ADIPOR2: variants seen among roughly 807,000 people sequenced by gnomAD.
The protein encoded by ADIPOR2 is adiponectin receptor protein 2.
Under a neutral mutation model 40.9 loss-of-function variants are expected in ADIPOR2, and 18 were observed. The observed-to-expected ratio is 0.44, with a 90% CI of 0.30 to 0.65. The LOEUF (loss-of-function observed/expected upper bound fraction) is 0.65. ADIPOR2 is among the 30% of genes least tolerant of loss of function. The pLI is 0.09. For missense variants in ADIPOR2, 283 were observed against 479.2 expected (o/e 0.59, Z 3.82); for synonymous variants, 165 against 166.4 (o/e 0.99, Z 0.06).
rs1305746132 is a variant in ADIPOR2, at chr12:1,787,146, C to T, written c.*1074C>T. The stretch of plus-strand genomic sequence containing the variant: ...CTATTAAAAATCACTGCCCTAACTA[C>T]ACTTCCTCCTTGAGGGAATAGAAAT... On this transcript the variant is annotated 3_prime_UTR_variant, in exon 8 of 8. Coordinates refer to ENST00000357103, the MANE Select transcript of ADIPOR2 (RefSeq NM_024551.3). 1 of 152,230 alleles carries T rather than the reference C, an allele frequency of 6.6e-6. No homozygotes were observed. Among genetic ancestry groups the T allele is most frequent in the African/African-American group, 2.4e-5 (1 of 41,466 alleles). The allele number at this position is 152,230 out of a possible 1,614,324, so 9.4% of individuals were successfully genotyped here.
At chr12:1,744,129 C>T (rs986195781) in intron 1 of ADIPOR2, among the ~76,000 whole-genome samples, 5 of 149,192 alleles carry the variant, frequency 3.4e-5, no homozygotes, top group Admixed American at 2.0e-4. Flanking sequence ...TTTTTTGAGA[C>T]GGAGTCTTGC....
intron 1 of ADIPOR2, among the ~76,000 whole-genome samples, chr12:1,718,751 G>C (rs983386816): frequency 6.6e-6 from 1 of 152,116 alleles, no homozygotes; most frequent in Non-Finnish European, 1.5e-5. Context: ...AGTGTGGCAG[G>C]CTTTCACTGT....
chr12:1,700,207 T>A (rs1439683356), intron 1 of ADIPOR2, among the ~76,000 whole-genome samples: 1 of 152,244 alleles, frequency 6.6e-6, no homozygotes, highest in Non-Finnish European at 1.5e-5. Flanking sequence ...TTAGTTAGCT[T>A]ATTACACTTT....
At chr12:1,762,708 A>G (rs923600760) in intron 2 of ADIPOR2, among the ~76,000 whole-genome samples, 1 of 152,210 alleles carries the variant, frequency 6.6e-6, no homozygotes, top group African/African-American at 2.4e-5. Flanking sequence ...GCTCATTTGA[A>G]TATGTTATTC....
chr12:1,757,769 G>A, intron 2 of ADIPOR2: 1 of 1,094,690 alleles, frequency 9.1e-7, no homozygotes, highest in Non-Finnish European at 1.4e-6. Flanking sequence ...AATCCAGCAG[G>A]GTAGGTTATA....
intron 1 of ADIPOR2, among the ~76,000 whole-genome samples, chr12:1,710,714 G>A (rs2094674868): frequency 6.6e-6 from 1 of 152,026 alleles, no homozygotes; most frequent in Admixed American, 6.5e-5. Flanking sequence ...CCATTCAGCT[G>A]CGGGGTCCCA....
intron 1 of ADIPOR2, among the ~76,000 whole-genome samples, chr12:1,715,815 T>C (rs1308089635): frequency 6.6e-6 from 1 of 152,144 alleles, no homozygotes; most frequent in Non-Finnish European, 1.5e-5. Context: ...CAGTCAGTGC[T>C]CTGTGGCTAG....
intron 4 of ADIPOR2, among the ~76,000 whole-genome samples, chr12:1,778,925 C>G (rs756809333): frequency 1.7e-4 from 25 of 145,084 alleles, no homozygotes; most frequent in Admixed American, 7.6e-5. Context: ...AGATGTTTGT[C>G]TTCGTTAGGC....
At chr12:1,716,850 G>A (rs2094688632) in intron 1 of ADIPOR2, among the ~76,000 whole-genome samples, 1 of 152,106 alleles carries the variant, frequency 6.6e-6, no homozygotes, top group Non-Finnish European at 1.5e-5. Flanking sequence ...TATCCAACTA[G>A]GTAGCATTAC....
At chr12:1,708,628 T>TC (rs144142618) in intron 1 of ADIPOR2, among the ~76,000 whole-genome samples, 4,884 of 152,294 alleles carry the variant, frequency 0.032, 126 homozygotes, top group African/African-American at 0.064. Flanking sequence ...AAAAAGACTA[T>TC]CCTTTCCTCA....
At chr12:1,747,258 G>T (rs763473390) in intron 1 of ADIPOR2, among the ~76,000 whole-genome samples, 2 of 151,978 alleles carry the variant, frequency 1.3e-5, no homozygotes, top group African/African-American at 2.4e-5. Context: ...ATTACACAAA[G>T]TGCCTTTTCT....
At chr12:1,705,463 C>A (rs141039046) in intron 1 of ADIPOR2, among the ~76,000 whole-genome samples, 9 of 152,292 alleles carry the variant, frequency 5.9e-5, no homozygotes, top group South Asian at 2.1e-4. Flanking sequence ...CCATACCTGA[C>A]TTCCAGTGAC....
At chr12:1,739,251 GT>G (rs2094737604) in intron 1 of ADIPOR2, among the ~76,000 whole-genome samples, 1 of 152,190 alleles carries the variant, frequency 6.6e-6, no homozygotes, top group Non-Finnish European at 1.5e-5. Flanking sequence ...GGAGACACAA[GT>G]AAATAAGAAA....
At chr12:1,738,652 C>T (rs1036463728) in intron 1 of ADIPOR2, among the ~76,000 whole-genome samples, 3 of 152,150 alleles carry the variant, frequency 2.0e-5, no homozygotes, top group Non-Finnish European at 4.4e-5. Context: ...GCTGGTCCCC[C>T]TTTGACCTTC....
intron 4 of ADIPOR2, chr12:1,778,295 T>C (rs1862640801): frequency 3.2e-6 from 1 of 317,092 alleles, no homozygotes; most frequent in African/African-American, 2.2e-5. Context: ...ATACAAAATG[T>C]GGTTTCATAT....
At chr12:1,699,887 C>CT (rs2094646787) in intron 1 of ADIPOR2, among the ~76,000 whole-genome samples, 1 of 152,008 alleles carries the variant, frequency 6.6e-6, no homozygotes, top group Non-Finnish European at 1.5e-5. Context: ...TGGAGTATAC[C>CT]ATGTGTTAGA....
At chr12:1,701,776 C>A (rs1256979397) in intron 1 of ADIPOR2, among the ~76,000 whole-genome samples, 7 of 152,048 alleles carry the variant, frequency 4.6e-5, no homozygotes. Context: ...ATTGAACATT[C>A]CTTATTAGGA....
At chr12:1,774,521 A>G (rs374926012) in intron 3 of ADIPOR2, among the ~76,000 whole-genome samples, 8 of 152,168 alleles carry the variant, frequency 5.3e-5, no homozygotes, top group Non-Finnish European at 1.2e-4. Context: ...CAGGGATTCT[A>G]TTTCTTGGAC....
At position 1,783,917 on chromosome 12, in the gene ADIPOR2, T is replaced by A; in HGVS notation, c.876T>A (p.Pro292=). Residue 292 remains proline, a synonymous_variant, in exon 7 of 8, where the codon CCT becomes CCA. Coordinates refer to ENST00000357103, the MANE Select transcript of ADIPOR2 (RefSeq NM_024551.3). The stretch of plus-strand genomic sequence containing the variant: ...GCCTAGGCCTGAGTGGAATCATTCC[T>A]ACCTTGCACTATGTCATCTCGGAGG... ...FLGLGLSGII[P]TLHYVISEGF... 6.2e-7 allele frequency: 1 copy of A among 1,612,840 alleles called. No individual in the cohort carries two copies. The highest frequency in any genetic ancestry group is 1.1e-5 in the South Asian group (1 of 90,884).
Sources: allele counts gnomAD v4.1 joint callset (sites outside exome capture counted in the v4.1 genomes callset), GRCh38; gene constraint gnomAD v4.1.1; transcripts MANE v1.5; gene names NCBI Gene and HGNC (gene_info 2026-07-23, HGNC 2026-07-21).